Variants in RUSF1 observed in about 807,000 individuals in gnomAD.
The protein encoded by RUSF1 is RUS1 family protein C16orf58.
Under a neutral mutation model 63.0 loss-of-function variants are expected in RUSF1, and 58 were observed. The observed-to-expected ratio is 0.92, with a 90% CI of 0.75 to 1.15. The LOEUF (loss-of-function observed/expected upper bound fraction) is 1.15, where lower values mean the gene tolerates loss of function less well. Among genes scored for constraint, RUSF1 ranks in the 50% most tolerant of loss-of-function variants. The pLI is 0.00. For synonymous variants in RUSF1, 274 were observed against 255.8 expected (o/e 1.07, Z -0.68); for missense variants, 652 against 611.0 (o/e 1.07, Z -0.71).
chr16:31,491,938 G>T, intron 12 of RUSF1, 71 bp downstream of exon 12: 1 of 1,479,870 alleles, frequency 6.8e-7, no homozygotes, highest in Non-Finnish European at 9.4e-7. Flanking sequence ...GAAAGGGTGG[G>T]AGTGGGGGAA....
chr16:31,499,392 G>A lies in RUSF1; in HGVS notation c.510C>T (p.Ile170=). Residue 170 remains isoleucine (I), a synonymous_variant, in exon 5 of 13, where the codon ATC becomes ATT. Transcript: ENST00000327237. ...NAKQWRLFAD[I]LNDVAMFLEI... ...CAAGGAACATGGCTACGTCATTGAG[G>A]ATGTCCGCAAAAAGCCTGGGGAGGG... 6.2e-7 allele frequency: 1 copy of A among 1,613,996 alleles called. No homozygotes were observed. Among genetic ancestry groups the A allele is most frequent in the Non-Finnish European group, 8.5e-7 (1 of 1,179,948 alleles).
intron 2 of RUSF1, among the ~76,000 whole-genome samples, chr16:31,504,800 A>G (rs531216479): frequency 7.2e-5 from 11 of 152,328 alleles, no homozygotes; most frequent in African/African-American, 2.4e-4. Flanking sequence ...TTTTGCCTTG[A>G]GATGCTGTTA....
At chr16:31,505,122 T>A (rs896415842) in intron 2 of RUSF1, among the ~76,000 whole-genome samples, 4 of 152,162 alleles carry the variant, frequency 2.6e-5, no homozygotes, top group Non-Finnish European at 5.9e-5. Flanking sequence ...GTAAAGGGTC[T>A]GTGCTGAGGA....
intron 2 of RUSF1, among the ~76,000 whole-genome samples, chr16:31,507,508 C>T (rs1012717700): frequency 3.3e-5 from 5 of 152,106 alleles, no homozygotes; most frequent in African/African-American, 7.2e-5. Flanking sequence ...GGGGAGGGGA[C>T]GGGATTTGGG....
Position 31,492,397 on chromosome 16 carries a change from C to A in RUSF1, c.1088-57G>T. 4 of 1,488,524 alleles carry A rather than the reference C, an allele frequency of 2.7e-6. No homozygotes were observed. In the South Asian group the frequency reaches 5.5e-5, roughly 21 times the overall value. 92.2% of individuals were successfully genotyped at this position (1,488,524 alleles called of 1,614,324 possible). A position where few individuals can be genotyped will look rare whatever the true frequency, so the allele number is the denominator to read the frequency against. ...GGAAGGGCCACCTCCCAAACCCCTT[C>A]TATCCCATCACCCTGCTTCCCCTGT... is the stretch of plus-strand genomic sequence containing the variant. On this transcript the variant is annotated intron_variant, in intron 10 of 12. Transcript: ENST00000327237.
rs149525864 is a variant in RUSF1, at chr16:31,490,211, G to T, written c.*624C>A. Reference sequence around the variant, plus strand: ...TCCCTGTACAGAATGGGTGCCCAGAGAGTGCCATGGAGATGAATGGTAGGG... The same window carrying T: ...TCCCTGTACAGAATGGGTGCCCAGATAGTGCCATGGAGATGAATGGTAGGG... On this transcript the variant is annotated 3_prime_UTR_variant, in exon 13 of 13. Coordinates refer to ENST00000327237, the MANE Select transcript of RUSF1 (RefSeq NM_022744.4). 1.2e-3 allele frequency: 1,999 copies of T among 1,614,194 alleles called. 7 individuals carry two copies. The highest frequency in any genetic ancestry group is 1.5e-3 in the Non-Finnish European group (1,824 of 1,180,028).
At position 31,499,350 on chromosome 16, in the gene RUSF1, T is replaced by C; in HGVS notation, c.552A>G (p.Val184=). The change falls in exon 5 of 13, where the codon GTA becomes GTG. Residue 184 remains valine, a synonymous_variant. Coordinates refer to ENST00000327237, the MANE Select transcript of RUSF1 (RefSeq NM_022744.4). ...VAMFLEIMAP[V]YPICFTMTVS... is the part of the protein sequence containing the mutation. The stretch of plus-strand genomic sequence containing the variant: ...CGGTCATGGTGAAACAGATTGGGTA[T>C]ACAGGAGCCATAATCTCAAGGAACA... 1 of 1,613,892 alleles carries C rather than the reference T, an allele frequency of 6.2e-7. No homozygotes were observed. The highest frequency in any genetic ancestry group is 8.5e-7 in the Non-Finnish European group (1 of 1,179,866).
At chr16:31,495,738 TCCCCAGGGGC>T (rs1215551675) in intron 6 of RUSF1, among the ~76,000 whole-genome samples, 1 of 151,900 alleles carries the variant, frequency 6.6e-6, no homozygotes, top group Non-Finnish European at 1.5e-5. Flanking sequence ...AGAAGGGACT[TCCCCAGGGGC>T]CCCCAGGGAG....
In RUSF1 at chr16:31,493,854, C is replaced by G. The variant is rs1567395532; in HGVS notation, c.773+12G>C. ...AGCTGGGGTTCTCCTGCCCACCCTG[C>G]TTCCGGCTTACCCAGGGCAACCTGA... On this transcript the variant is annotated intron_variant, in intron 7 of 12. Coordinates refer to ENST00000327237, the MANE Select transcript of RUSF1 (RefSeq NM_022744.4). 6.2e-7 allele frequency: 1 copy of G among 1,614,214 alleles called. No individual in the cohort carries two copies.
chr16:31,508,078 A>G lies in RUSF1; in HGVS notation c.296T>C (p.Val99Ala). ...DYLPYQLWDS[V>A]QAFASSLSGS... ...GCCCCAGACGACCGAGCTGACCTGC[A>G]CGGAATCCCACAGCTGGTAGGGCAA... The change falls in exon 1 of 13, where the codon GTG becomes GCG. Residue 99 changes from valine (V) to alanine (A), a missense_variant. Transcript: ENST00000327237. The G allele has an allele frequency of 1.2e-6, 2 of 1,602,532 alleles. No individual in the cohort carries two copies. The highest frequency in any genetic ancestry group is 1.7e-6 in the Non-Finnish European group (2 of 1,175,212).
intron 12 of RUSF1, 58 bp downstream of exon 12, chr16:31,491,951 C>A: frequency 6.3e-7 from 1 of 1,581,992 alleles, no homozygotes; most frequent in Non-Finnish European, 8.7e-7. Flanking sequence ...TGGGGGAAGG[C>A]GGGGCCCCCA....
intron 5 of RUSF1, among the ~76,000 whole-genome samples, chr16:31,497,462 C>T (rs745425714): frequency 2.7e-4 from 41 of 152,096 alleles, no homozygotes; most frequent in Non-Finnish European, 5.1e-4. Context: ...ACAATCATCC[C>T]GAGTTCATCA....
rs1021678460 is a variant in RUSF1, at chr16:31,489,479, C to T, written c.*1356G>A. On this transcript the variant is annotated 3_prime_UTR_variant, in exon 13 of 13. Transcript: ENST00000327237. Reference sequence around the variant, plus strand: ...GGGGTCCAGCTGCAGTTGCAATTGCCGAGCAAGAATTTTTATTTAAATACA... The same window carrying T: ...GGGGTCCAGCTGCAGTTGCAATTGCTGAGCAAGAATTTTTATTTAAATACA... 1.6e-5 allele frequency: 12 copies of T among 740,306 alleles called. No homozygotes were observed. The highest frequency in any genetic ancestry group is 6.2e-5 in the South Asian group (4 of 64,090). 45.9% of individuals were successfully genotyped at this position (740,306 alleles called of 1,614,324 possible).
chr16:31,491,899 C>T, intron 12 of RUSF1, 110 bp downstream of exon 12: 1 of 1,217,086 alleles, frequency 8.2e-7, no homozygotes. Flanking sequence ...GCACCAGGCC[C>T]AAGAACCCAA....
chr16:31,495,660 G>T (rs1166403999), intron 6 of RUSF1, among the ~76,000 whole-genome samples: 1 of 152,040 alleles, frequency 6.6e-6, no homozygotes, highest in Non-Finnish European at 1.5e-5. Context: ...CTTCCTGCTT[G>T]CTCCTTAACA....
intron 6 of RUSF1, among the ~76,000 whole-genome samples, chr16:31,494,978 C>T (rs763503937): frequency 6.6e-6 from 1 of 152,264 alleles, no homozygotes; most frequent in Non-Finnish European, 1.5e-5. Flanking sequence ...CTTTTATTTA[C>T]TGATTTTAAA....
At chr16:31,494,638 C>T (rs117708913) in intron 6 of RUSF1, among the ~76,000 whole-genome samples, 535 of 152,092 alleles carry the variant, frequency 3.5e-3, no homozygotes, top group Non-Finnish European at 6.9e-3. Context: ...TAGGTGCCCT[C>T]GGAATACCCT....
Position 31,493,640 on chromosome 16 carries a change from G to A in RUSF1, c.921C>T (p.Asp307=). ...KHYLQRGEVL[D]PTAANRMEPL... ...GCTCCATGCGATTGGCTGCAGTTGG[G>A]TCGAGTACCTCTCCCCTCTGAAGGT... The change falls in exon 8 of 13, where the codon GAC becomes GAT. Residue 307 remains aspartate (D), a synonymous_variant. Transcript: ENST00000327237. The A allele has an allele frequency of 6.2e-7, 1 of 1,614,230 alleles. No homozygotes were observed. Among genetic ancestry groups the A allele is most frequent in the Non-Finnish European group, 8.5e-7 (1 of 1,180,042 alleles).
intron 2 of RUSF1, among the ~76,000 whole-genome samples, chr16:31,505,394 GGTGCTGGTCCTCCGCATGCTGA>G (rs1284630822): frequency 2.6e-5 from 4 of 152,108 alleles, no homozygotes; most frequent in Admixed American, 1.3e-4. Flanking sequence ...GACCAGTGCT[GGTGCTGGTCCTCCGCATGCTGA>G]GTGCCGGTCC....
Sources: allele counts gnomAD v4.1 joint callset (sites outside exome capture counted in the v4.1 genomes callset), GRCh38; gene constraint gnomAD v4.1.1; transcripts MANE v1.5; gene names NCBI Gene and HGNC (gene_info 2026-07-23, HGNC 2026-07-21).